NCAM2: variants seen among roughly 807,000 people sequenced by gnomAD.
The protein encoded by NCAM2 is neural cell adhesion molecule 2, also known as N-CAM-2.
Under a neutral mutation model 98.1 loss-of-function variants are expected in NCAM2, and 30 were observed. The observed-to-expected ratio is 0.31, with a 90% CI of 0.23 to 0.41. The LOEUF (loss-of-function observed/expected upper bound fraction) is 0.41. Among genes scored for constraint, NCAM2 ranks in the 10% least tolerant of loss-of-function variants. NCAM2 has a pLI of 1.00. For missense variants in NCAM2, 867 were observed against 1,005.8 expected (o/e 0.86, Z 1.87); for synonymous variants, 368 against 342.4 (o/e 1.07, Z -0.83).
chr21:21,135,130 C>T (rs1033429098), intron 1 of NCAM2, among the ~76,000 whole-genome samples: 1 of 151,344 alleles, frequency 6.6e-6, no homozygotes, highest in Non-Finnish European at 1.5e-5. Flanking sequence ...CCTGTAGTCC[C>T]AGCTACTCTG....
chr21:21,298,511 A>G (rs2073574858), intron 5 of NCAM2, among the ~76,000 whole-genome samples: 2 of 151,698 alleles, frequency 1.3e-5, no homozygotes, highest in African/African-American at 4.8e-5. Flanking sequence ...AGAAAAGTAT[A>G]TCTTTTTCTC....
intron 16 of NCAM2, among the ~76,000 whole-genome samples, chr21:21,520,177 C>CA (rs921470202): frequency 1.4e-4 from 22 of 152,162 alleles, no homozygotes; most frequent in South Asian, 4.1e-4. Flanking sequence ...ATCTATACAA[C>CA]AAGAGACAAC....
At chr21:21,187,833 A>G (rs966699411) in intron 1 of NCAM2, among the ~76,000 whole-genome samples, 1 of 152,186 alleles carries the variant, frequency 6.6e-6, no homozygotes. Flanking sequence ...GAGACTAGAA[A>G]TCTATAGGGG....
chr21:21,467,969 G>T (rs1287014066), intron 13 of NCAM2, among the ~76,000 whole-genome samples: 1 of 152,022 alleles, frequency 6.6e-6, no homozygotes, highest in Non-Finnish European at 1.5e-5. Flanking sequence ...TCAGTGCATG[G>T]TCTGTTTTTC....
chr21:21,352,410 C>A (rs557631954), intron 8 of NCAM2, among the ~76,000 whole-genome samples: 11 of 152,070 alleles, frequency 7.2e-5, no homozygotes, highest in African/African-American at 2.4e-4. Flanking sequence ...ACATGAGCCA[C>A]CTTGCCTGGC....
rs999848847 is a variant in NCAM2, at chr21:21,543,219, A to G, written c.*5262A>G. 2 of 151,964 alleles carry G rather than the reference A, an allele frequency of 1.3e-5. No individual in the cohort carries two copies. The highest frequency in any genetic ancestry group is 2.9e-5 in the Non-Finnish European group (2 of 67,892). 9.4% of individuals were successfully genotyped at this position (151,964 alleles called of 1,614,324 possible). On this transcript the variant is annotated 3_prime_UTR_variant, in exon 18 of 18. Transcript: ENST00000400546. ...GTCTAAACTGTAAAAATTATACTGC[A>G]AATGTTGAAGTTTTGTATTTATGAG... is the stretch of plus-strand genomic sequence containing the variant.
chr21:21,265,434 T>G (rs2072212332), intron 1 of NCAM2, among the ~76,000 whole-genome samples: 2 of 38,500 alleles, frequency 5.2e-5, no homozygotes, highest in Non-Finnish European at 8.6e-5. Context: ...TGTGTGTATA[T>G]ATATTATATA....
At chr21:21,040,473 A>G (rs1283563579) in intron 1 of NCAM2, among the ~76,000 whole-genome samples, 1 of 152,118 alleles carries the variant, frequency 6.6e-6, no homozygotes, top group Admixed American at 6.6e-5. Context: ...AACCAATGGA[A>G]ACGTCCACTA....
chr21:21,007,193 G>A (rs1212671052), intron 1 of NCAM2, among the ~76,000 whole-genome samples: 2 of 152,142 alleles, frequency 1.3e-5, no homozygotes, highest in Non-Finnish European at 2.9e-5. Flanking sequence ...AGGTCCCAAT[G>A]TAAGAAAATA....
chr21:21,525,802 A>G (rs1431097480), intron 16 of NCAM2, among the ~76,000 whole-genome samples: 3 of 152,138 alleles, frequency 2.0e-5, no homozygotes, highest in Non-Finnish European at 4.4e-5. Context: ...AATAAACTAT[A>G]TATCACACCC....
intron 5 of NCAM2, among the ~76,000 whole-genome samples, chr21:21,313,820 A>G (rs983046050): frequency 6.6e-5 from 10 of 152,008 alleles, no homozygotes; most frequent in African/African-American, 2.2e-4. Flanking sequence ...TACTGTATCT[A>G]TAATGTTTCT....
At chr21:21,104,181 A>G (rs1003372986) in intron 1 of NCAM2, among the ~76,000 whole-genome samples, 1 of 152,140 alleles carries the variant, frequency 6.6e-6, no homozygotes, top group Non-Finnish European at 1.5e-5. Context: ...TTCCGAATTT[A>G]TGACATGTTA....
chr21:21,126,424 A>G (rs911757142), intron 1 of NCAM2, among the ~76,000 whole-genome samples: 7 of 151,854 alleles, frequency 4.6e-5, no homozygotes. Context: ...ATGTACATTC[A>G]GTTTAGATAG....
chr21:21,217,483 G>T (rs79418542), intron 1 of NCAM2, among the ~76,000 whole-genome samples: 2,133 of 152,096 alleles, frequency 0.014, 45 homozygotes, highest in African/African-American at 0.049. Flanking sequence ...AGTTTGAAAG[G>T]TGCTATAGAA....
At chr21:21,523,192 A>T (rs1989129887) in intron 16 of NCAM2, among the ~76,000 whole-genome samples, 1 of 152,008 alleles carries the variant, frequency 6.6e-6, no homozygotes, top group African/African-American at 2.4e-5. Flanking sequence ...TTTAAGCTTG[A>T]TGCGATCCCA....
intron 1 of NCAM2, among the ~76,000 whole-genome samples, chr21:21,101,173 T>G (rs2146488674): frequency 6.6e-6 from 1 of 152,120 alleles, no homozygotes; most frequent in Non-Finnish European, 1.5e-5. Flanking sequence ...ACCTTAGATT[T>G]ATGCAAATAA....
At chr21:21,473,807 A>G (rs1034563210) in intron 14 of NCAM2, among the ~76,000 whole-genome samples, 3 of 151,538 alleles carry the variant, frequency 2.0e-5, no homozygotes, top group African/African-American at 7.3e-5. Flanking sequence ...CCCTGTAGAG[A>G]TGATAGCCAA....
chr21:21,100,118 A>C (rs2066210210), intron 1 of NCAM2, among the ~76,000 whole-genome samples: 1 of 151,988 alleles, frequency 6.6e-6, no homozygotes, highest in Non-Finnish European at 1.5e-5. Flanking sequence ...TTTCAAGTCT[A>C]AAATTGATTT....
intron 15 of NCAM2, among the ~76,000 whole-genome samples, chr21:21,504,145 C>A (rs1024278345): frequency 1.3e-5 from 2 of 151,534 alleles, no homozygotes; most frequent in Non-Finnish European, 3.0e-5. Context: ...GGTGAATATC[C>A]AAGATAAAAT....
Sources: allele counts gnomAD v4.1 joint callset (sites outside exome capture counted in the v4.1 genomes callset), GRCh38; gene constraint gnomAD v4.1.1; transcripts MANE v1.5; gene names NCBI Gene and HGNC (gene_info 2026-07-23, HGNC 2026-07-21).